ZC3H7B: variants seen among roughly 807,000 people sequenced by gnomAD.
The protein encoded by ZC3H7B is zinc finger CCCH-type containing 7B, also known as zinc finger CCCH domain-containing protein 7B.
A neutral mutation model predicts 116.0 loss-of-function variants in ZC3H7B; 35 were observed. The observed-to-expected ratio is 0.30, with a 90% CI of 0.23 to 0.40. ZC3H7B has a LOEUF of 0.40. Ranked by LOEUF, ZC3H7B falls within the 10% of genes least tolerant of loss-of-function variation. The pLI is 1.00. For missense variants in ZC3H7B, 1,011 were observed against 1,321.5 expected (o/e 0.77, Z 3.64); for synonymous variants, 502 against 545.6 (o/e 0.92, Z 1.11).
intron 1 of ZC3H7B, among the ~76,000 whole-genome samples, chr22:41,307,912 G>A (rs970984947): frequency 8.5e-5 from 13 of 152,256 alleles, no homozygotes; most frequent in East Asian, 7.7e-4. Flanking sequence ...CAGTTTCCTC[G>A]AAGCTCTTTT....
rs182076976 is a variant in ZC3H7B at position 41,349,948 on chromosome 22, G to A, written c.1948+647G>A. Reference sequence around the variant, plus strand: ...TTTAATTAGCAGCATTTTGTGGGGCGGGGATTTAAAATATGGTACATATAA... The same window carrying A: ...TTTAATTAGCAGCATTTTGTGGGGCAGGGATTTAAAATATGGTACATATAA... On this transcript the variant is annotated intron_variant, in intron 16 of 22. Transcript: ENST00000352645. The surrounding 1 kb of genome is among the most constrained non-coding windows in gnomAD (Gnocchi z 4.9). Among the ~76,000 whole-genome samples the A allele has an allele frequency of 1.6e-4, 25 of 152,292 alleles. No homozygotes were observed. The highest frequency in any genetic ancestry group is 4.3e-4 in the African/African-American group (18 of 41,558).
intron 13 of ZC3H7B, among the ~76,000 whole-genome samples, chr22:41,345,354 G>C (rs1303965153): frequency 6.6e-6 from 1 of 152,144 alleles, no homozygotes; most frequent in African/African-American, 2.4e-5. Context: ...GGGAGGCCGA[G>C]GGGGGTGGAT....
rs12157846 is a variant in ZC3H7B at position 41,356,146 on chromosome 22, C to T, written c.2383+84C>T. The T allele has an allele frequency of 3.4e-4, 494 of 1,440,578 alleles. 1 individual carries two copies. The African/African-American group carries it at 6.1e-3, about 18-fold the overall frequency. The allele number at this position is 1,440,578 out of a possible 1,614,324, so 89.2% of individuals were successfully genotyped here. A position where few individuals can be genotyped will look rare whatever the true frequency, so the allele number is the denominator to read the frequency against. On this transcript the variant is annotated intron_variant, in intron 20 of 22. Coordinates refer to ENST00000352645, the MANE Select transcript of ZC3H7B (RefSeq NM_017590.6). The stretch of plus-strand genomic sequence containing the variant: ...CTCAATTCACCAGCGGGCCCAAGAG[C>T]GTCCACTGCACCCCTTTGCTACCTG...
chr22:41,335,025 G>C (rs1170865265), intron 7 of ZC3H7B: 2 of 152,300 alleles, frequency 1.3e-5, no homozygotes, highest in Non-Finnish European at 2.9e-5. Context: ...CAGCGAGCCA[G>C]GGAAGCAAGA....
At chr22:41,350,081 G>A (rs1286062134) in intron 16 of ZC3H7B, among the ~76,000 whole-genome samples, 1 of 152,218 alleles carries the variant, frequency 6.6e-6, no homozygotes, top group African/African-American at 2.4e-5. Context: ...CAGACTCGGG[G>A]ATGGGAGCAT....
intron 16 of ZC3H7B, among the ~76,000 whole-genome samples, chr22:41,350,917 C>G (rs1349713262): frequency 1.3e-5 from 2 of 152,190 alleles, no homozygotes; most frequent in Admixed American, 6.5e-5. Flanking sequence ...AAGGCCACAT[C>G]TGTTGTGGGA....
chr22:41,350,170 A>G (rs922829985), intron 16 of ZC3H7B, among the ~76,000 whole-genome samples: 1 of 152,158 alleles, frequency 6.6e-6, no homozygotes, highest in Non-Finnish European at 1.5e-5. Flanking sequence ...ATTCCAGAAG[A>G]GGGACCAGAC....
At chr22:41,312,781 C>A (rs778609860) in intron 1 of ZC3H7B, among the ~76,000 whole-genome samples, 1 of 151,708 alleles carries the variant, frequency 6.6e-6, no homozygotes, top group African/African-American at 2.4e-5. Flanking sequence ...CGTGATGGTG[C>A]GTGCCTGTGG....
intron 16 of ZC3H7B, among the ~76,000 whole-genome samples, chr22:41,350,555 T>C (rs1450131996): frequency 6.6e-6 from 1 of 152,080 alleles, no homozygotes; most frequent in Admixed American, 6.6e-5. Context: ...GCCAACAAGA[T>C]GTGTTGATGG....
chr22:41,310,833 C>T (rs941980409), intron 1 of ZC3H7B, among the ~76,000 whole-genome samples: 5 of 152,040 alleles, frequency 3.3e-5, no homozygotes, highest in Admixed American at 1.3e-4. Context: ...GGCACTATCT[C>T]GGCTCACTGC....
At chr22:41,328,130 T>TAA (rs538694629) in intron 5 of ZC3H7B, among the ~76,000 whole-genome samples, 2 of 141,186 alleles carry the variant, frequency 1.4e-5, no homozygotes, top group Non-Finnish European at 3.1e-5. Context: ...GCTTGTCTAT[T>TAA]AAAAAAAAAA....
At position 41,301,596 on chromosome 22, in the gene ZC3H7B, A is replaced by T. The variant is rs1311025666; in HGVS notation, c.-183A>T. ...GCTGGAAATGAAAGTAAAGCGCTCC[A>T]GAGCCACATGGACGGAGCTGCCGGG... On this transcript the variant is annotated 5_prime_UTR_variant, in exon 1 of 23. It introduces an in-frame stop codon into an upstream open reading frame of the 5' UTR. Transcript: ENST00000352645. 2 of 152,240 alleles carry T rather than the reference A, an allele frequency of 1.3e-5. No individual in the cohort carries two copies. The highest frequency in any genetic ancestry group is 4.8e-5 in the African/African-American group (2 of 41,444). The allele number at this position is 152,240 out of a possible 1,614,324, so 9.4% of individuals were successfully genotyped here.
intron 1 of ZC3H7B, among the ~76,000 whole-genome samples, chr22:41,308,787 C>T (rs2036079887): frequency 6.6e-6 from 1 of 152,152 alleles, no homozygotes; most frequent in Non-Finnish European, 1.5e-5. Flanking sequence ...TTGCACTTTG[C>T]CTCCCACGTG....
chr22:41,313,277 C>T (rs1275548189), intron 1 of ZC3H7B, among the ~76,000 whole-genome samples: 1 of 152,090 alleles, frequency 6.6e-6, no homozygotes, highest in Admixed American at 6.6e-5. Flanking sequence ...CGCCACCACG[C>T]CAGGCTAATT....
intron 12 of ZC3H7B, 63 bp from the exon 13 acceptor site, chr22:41,343,352 C>A: frequency 6.4e-7 from 1 of 1,557,804 alleles, no homozygotes; most frequent in Non-Finnish European, 8.7e-7. Flanking sequence ...CCGCATGGGC[C>A]TGCCAGCCAT....
At chr22:41,313,095 C>G (rs993005522) in intron 1 of ZC3H7B, among the ~76,000 whole-genome samples, 1 of 151,736 alleles carries the variant, frequency 6.6e-6, no homozygotes, top group African/African-American at 2.4e-5. Flanking sequence ...TGGGGCAGTT[C>G]CAGAAGCAGG....
intron 6 of ZC3H7B, 30 bp downstream of exon 6, chr22:41,330,133 G>A (rs377082304): frequency 1.4e-5 from 22 of 1,611,450 alleles, no homozygotes; most frequent in Middle Eastern, 1.7e-4. Context: ...TGGGAGGGTC[G>A]GTGTGGACGT....
chr22:41,348,262 GT>G (rs2036613055), intron 15 of ZC3H7B, 95 bp downstream of exon 15: 2 of 1,118,662 alleles, frequency 1.8e-6, no homozygotes, highest in Non-Finnish European at 2.7e-6. Flanking sequence ...AACTGAAAGG[GT>G]GGATGTAGGG....
In ZC3H7B at chr22:41,358,042, AC is replaced by A. The variant is rs2145947234; in HGVS notation, c.*615del. 1 of 154,626 alleles carries A rather than the reference AC, an allele frequency of 6.5e-6. No homozygotes were observed. The highest frequency in any genetic ancestry group is 1.9e-4 in the East Asian group (1 of 5,204). 9.6% of individuals were successfully genotyped at this position (154,626 alleles called of 1,614,324 possible). ...GAGTCCCAGCCCTTTCTCTGATGCC[AC>A]CACCTGAACCCTGCTCCCTCGTGGG... is the stretch of plus-strand genomic sequence containing the variant. On this transcript the variant is annotated 3_prime_UTR_variant, in exon 23 of 23. Coordinates refer to ENST00000352645, the MANE Select transcript of ZC3H7B (RefSeq NM_017590.6).
Sources: gnomAD v4.1 joint callset for allele counts (sites outside exome capture counted in the v4.1 genomes callset) on GRCh38, gnomAD v4.1.1 for gene constraint, Gnocchi (gnomAD v3.1) non-coding constraint, MANE v1.5 for transcripts, NCBI Gene and HGNC (gene_info 2026-07-23, HGNC 2026-07-21) for gene names.